Variants in OPCML observed in about 807,000 individuals in gnomAD.
The protein encoded by OPCML is opioid-binding protein/cell adhesion molecule.
OPCML carries 13 observed loss-of-function variants against 37.8 expected under a neutral mutation model. The observed-to-expected ratio is 0.34, with a 90% CI of 0.22 to 0.55. The LOEUF (loss-of-function observed/expected upper bound fraction) is 0.55. Among genes scored for constraint, OPCML ranks in the 20% least tolerant of loss-of-function variants. The pLI, the probability that OPCML is intolerant of heterozygous loss-of-function variation, is 0.91. For missense variants in OPCML, 341 were observed against 435.6 expected (o/e 0.78, Z 1.93); for synonymous variants, 176 against 168.8 (o/e 1.04, Z -0.33).
chr11:132,716,666 T>TA (rs778082790), intron 2 of OPCML, among the ~76,000 whole-genome samples: 12 of 152,328 alleles, frequency 7.9e-5, no homozygotes, highest in African/African-American at 1.2e-4. Context: ...ACATAGTTTT[T>TA]ACAACACAGA....
At chr11:133,490,467 A>G (rs1055189035) in intron 1 of OPCML, among the ~76,000 whole-genome samples, 1 of 152,236 alleles carries the variant, frequency 6.6e-6, no homozygotes, top group African/African-American at 2.4e-5. Flanking sequence ...GTGGAGGCCC[A>G]GGATGGCAGG....
intron 3 of OPCML, among the ~76,000 whole-genome samples, chr11:132,606,668 AATGGGACCGTGACTG>A (rs1938320113): frequency 8.8e-6 from 1 of 113,204 alleles, no homozygotes; most frequent in Non-Finnish European, 2.0e-5. Context: ...CTTCTGGGCC[AATGGGACCGTGACTG>A]CCGTGACTGC....
intron 1 of OPCML, among the ~76,000 whole-genome samples, chr11:133,287,275 C>CTTTTT (rs760838065): frequency 3.3e-5 from 4 of 120,962 alleles, no homozygotes; most frequent in African/African-American, 6.1e-5. Context: ...TTCTTTCTTT[C>CTTTTT]TTTTTTTTTT....
At chr11:132,971,193 C>G (rs1181137492) in intron 1 of OPCML, among the ~76,000 whole-genome samples, 2 of 152,062 alleles carry the variant, frequency 1.3e-5, no homozygotes, top group Non-Finnish European at 2.9e-5. Context: ...TTGATGAAGG[C>G]CTTAATTCCT....
rs143941208 is a variant in OPCML at position 132,423,122 on chromosome 11, G to C, written c.917-2829C>G. ...TCAGTTGAAAGAAAACCGTCAACAC[G>C]TGCCTTTTGCACTTCAGAATTCCAT... is the stretch of plus-strand genomic sequence containing the variant. On this transcript the variant is annotated intron_variant, in intron 7 of 7. Coordinates refer to ENST00000524381, the MANE Select transcript of OPCML (RefSeq NM_001012393.5). Among the ~76,000 whole-genome samples the C allele has an allele frequency of 1.2e-3, 187 of 152,248 alleles. 1 individual carries two copies. Among genetic ancestry groups the C allele is most frequent in the African/African-American group, 4.1e-3 (172 of 41,536 alleles).
Position 133,372,255 on chromosome 11 carries a change from A to G in OPCML, c.61+160009T>C, listed in dbSNP as rs573508281. On this transcript the variant is annotated intron_variant, in intron 1 of 7. Transcript: ENST00000524381. Reference sequence around the variant, plus strand: ...CTACATACCCTGACTTGATCATTACATATTTATGCACATAACAAAAACTCA... The same window carrying G: ...CTACATACCCTGACTTGATCATTACGTATTTATGCACATAACAAAAACTCA... Among the ~76,000 whole-genome samples the G allele has an allele frequency of 1.3e-4, 20 of 152,316 alleles. No individual in the cohort carries two copies. In the South Asian group the frequency reaches 4.1e-3, roughly 32 times the overall value.
intron 1 of OPCML, among the ~76,000 whole-genome samples, chr11:133,184,079 G>A (rs1937961507): frequency 6.6e-6 from 1 of 152,170 alleles, no homozygotes; most frequent in Non-Finnish European, 1.5e-5. Flanking sequence ...GGGACTCAGA[G>A]GCTGACCCTA....
At position 133,499,387 on chromosome 11, in the gene OPCML, C is replaced by T. The variant is rs540957216; in HGVS notation, c.61+32877G>A. Among the ~76,000 whole-genome samples, 3 of 152,320 alleles carry T rather than the reference C, an allele frequency of 2.0e-5. No homozygotes were observed. In the South Asian group the frequency reaches 6.2e-4, roughly 32 times the overall value. On this transcript the variant is annotated intron_variant, in intron 1 of 7. Coordinates refer to ENST00000524381, the MANE Select transcript of OPCML (RefSeq NM_001012393.5). ...TCTCCTGCTATCCAAATAGTGTTAA[C>T]ATCTGTTACATTTCCAATCGGGAAA... is the stretch of plus-strand genomic sequence containing the variant.
rs537868309 is a variant in OPCML, at chr11:133,180,199, T to C, written c.62-237189A>G. On this transcript the variant is annotated intron_variant, in intron 1 of 7. Coordinates refer to ENST00000524381, the MANE Select transcript of OPCML (RefSeq NM_001012393.5). ...ACCCTTGGTGAGAAGTTGGATGAAC[T>C]AGGGAGCTGGGGCCAGGGTATTGTC... Among the ~76,000 whole-genome samples, 157 of 152,244 alleles carry C rather than the reference T, an allele frequency of 1.0e-3. 2 individuals are homozygous for C. Among genetic ancestry groups the C allele is most frequent in the Middle Eastern group, 6.8e-3 (2 of 294 alleles).
At chr11:133,266,269 C>G (rs1008428120) in intron 1 of OPCML, among the ~76,000 whole-genome samples, 1 of 152,130 alleles carries the variant, frequency 6.6e-6, no homozygotes, top group African/African-American at 2.4e-5. Flanking sequence ...CCAGAAGGAA[C>G]TTTCAATTAT....
intron 5 of OPCML, 179 bp from the exon 6 acceptor site, chr11:132,436,958 C>G: frequency 1.0e-6 from 1 of 966,190 alleles, no homozygotes; most frequent in Non-Finnish European, 1.2e-6. Flanking sequence ...CTTGAAGATA[C>G]TGCATTGACC....
intron 1 of OPCML, among the ~76,000 whole-genome samples, chr11:132,959,712 C>G (rs895025377): frequency 4.6e-5 from 7 of 152,156 alleles, no homozygotes; most frequent in African/African-American, 1.7e-4. Flanking sequence ...TACAATACTA[C>G]TATACACAGG....
intron 1 of OPCML, among the ~76,000 whole-genome samples, chr11:132,987,126 C>T (rs1382241946): frequency 6.6e-6 from 1 of 152,160 alleles, no homozygotes; most frequent in East Asian, 1.9e-4. Flanking sequence ...GTGCTAGGTG[C>T]CCCAATCCCT....
intron 3 of OPCML, among the ~76,000 whole-genome samples, chr11:132,635,256 T>C (rs1940416025): frequency 6.6e-6 from 1 of 151,570 alleles, no homozygotes; most frequent in African/African-American, 2.4e-5. Context: ...TATAATACAA[T>C]CCCCCCCATT....
At chr11:133,374,437 A>G (rs1305508367) in intron 1 of OPCML, among the ~76,000 whole-genome samples, 1 of 152,208 alleles carries the variant, frequency 6.6e-6, no homozygotes, top group South Asian at 2.1e-4. Flanking sequence ...AACTTATCCA[A>G]TTGTACAGTT....
At chr11:132,457,234 G>A (rs1362670489) in intron 4 of OPCML, among the ~76,000 whole-genome samples, 1 of 152,222 alleles carries the variant, frequency 6.6e-6, no homozygotes, top group Non-Finnish European at 1.5e-5. Context: ...CCATGAGGCT[G>A]ACGAATTGAG....
chr11:133,451,888 C>T (rs936657653), intron 1 of OPCML, among the ~76,000 whole-genome samples: 11 of 151,114 alleles, frequency 7.3e-5, no homozygotes, highest in African/African-American at 2.7e-4. Context: ...CTGAATGCCT[C>T]CTCTGCAGGG....
intron 1 of OPCML, among the ~76,000 whole-genome samples, chr11:133,490,085 G>T (rs1195204837): frequency 6.6e-6 from 1 of 152,112 alleles, no homozygotes; most frequent in Non-Finnish European, 1.5e-5. Flanking sequence ...TATGGCTAAG[G>T]ATATATACCC....
chr11:133,253,051 C>T (rs1370073454), intron 1 of OPCML, among the ~76,000 whole-genome samples: 2 of 149,378 alleles, frequency 1.3e-5, no homozygotes, highest in Non-Finnish European at 3.0e-5. Context: ...GAGGCTGAGG[C>T]AGGAGAACCA....
Sources: gnomAD v4.1 joint callset for allele counts (sites outside exome capture counted in the v4.1 genomes callset) on GRCh38, gnomAD v4.1.1 for gene constraint, MANE v1.5 for transcripts, NCBI Gene and HGNC (gene_info 2026-07-23, HGNC 2026-07-21) for gene names.